Variants in RAB1A observed in about 807,000 individuals in gnomAD.
RAB1A encodes ras-related protein Rab-1A.
Under a neutral mutation model 26.0 loss-of-function variants are expected in RAB1A, and 2 were observed. The ratio of observed to expected loss-of-function variants is 0.08; its 90% confidence interval spans 0.03 to 0.24. RAB1A has a LOEUF of 0.24. Ranked by LOEUF, RAB1A falls within the 10% of genes least tolerant of loss-of-function variation. The probability of loss-of-function intolerance (pLI) is 1.00; values close to 1 mark genes in which losing one functional copy is unlikely to be tolerated. For missense variants in RAB1A, 100 were observed against 247.0 expected, an observed-to-expected ratio of 0.40 and a Z score of 3.99; for synonymous variants, 84 against 84.9, an observed-to-expected ratio of 0.99 and a Z score of 0.06.
At chr2:65,110,438 C>A (rs868628919) in intron 1 of RAB1A, among the ~76,000 whole-genome samples, 1,190 of 109,414 alleles carry the variant, frequency 0.011, no homozygotes, top group Middle Eastern at 0.02. Flanking sequence ...GAGACCGTCT[C>A]AAAAAAAAAA....
chr2:65,094,297 C>T (rs1329173584), intron 3 of RAB1A, among the ~76,000 whole-genome samples: 1 of 152,118 alleles, frequency 6.6e-6, no homozygotes, highest in Non-Finnish European at 1.5e-5. Context: ...TAAAAACAAG[C>T]AAATCGGCCA....
chr2:65,125,864 CTTTTTTTTTTT>C (rs55930968), intron 1 of RAB1A, among the ~76,000 whole-genome samples: 3 of 74,728 alleles, frequency 4.0e-5, no homozygotes, highest in Admixed American at 3.1e-4. Context: ...TTTCAATTGC[CTTTTTTTTTTT>C]TTTTTTTTTT....
At chr2:65,098,089 A>ATACAT in intron 2 of RAB1A, 23 bp from the exon 3 acceptor site, 2 of 1,369,042 alleles carry the variant, frequency 1.5e-6, no homozygotes, top group Non-Finnish European at 2.0e-6. Flanking sequence ...ATAATTAACA[A>ATACAT]TTAAATGTAT....
At chr2:65,104,886 A>C in intron 1 of RAB1A, 80 bp from the exon 2 acceptor site, 1 of 1,122,986 alleles carries the variant, frequency 8.9e-7, no homozygotes, top group Non-Finnish European at 1.4e-6. Context: ...AAACACAGCT[A>C]CAAATAACAA....
chr2:65,112,037 C>T (rs920092543), intron 1 of RAB1A, among the ~76,000 whole-genome samples: 3 of 151,656 alleles, frequency 2.0e-5, no homozygotes, highest in Non-Finnish European at 4.4e-5. Context: ...AAGCTGATAT[C>T]GCACCACTGC....
intron 1 of RAB1A, among the ~76,000 whole-genome samples, chr2:65,129,677 C>G (rs1670191667): frequency 6.6e-6 from 1 of 152,060 alleles, no homozygotes; most frequent in South Asian, 2.1e-4. Flanking sequence ...GGTCCAGGCC[C>G]GGGCGGCTCA....
At position 65,103,784 on chromosome 2, in the gene RAB1A, T is replaced by A. The variant is rs545534938; in HGVS notation, c.96+950A>T. Among the ~76,000 whole-genome samples the A allele has an allele frequency of 2.2e-4, 34 of 151,192 alleles. 1 individual carries two copies. In the East Asian group the frequency reaches 5.0e-3, roughly 22 times the overall value. On this transcript the variant is annotated intron_variant, in intron 2 of 5. Transcript: ENST00000409784. ...AACATGCTAATTTGTTTTTTTATTT[T>A]TTTTCTTTTTTTTTTGAGACAGTCT...
chr2:65,100,239 A>G (rs1414155864), intron 2 of RAB1A, among the ~76,000 whole-genome samples: 1 of 151,268 alleles, frequency 6.6e-6, no homozygotes, highest in Non-Finnish European at 1.5e-5. Flanking sequence ...ATCTCTATTA[A>G]AAATACAAAA....
chr2:65,119,389 C>A (rs897824039), intron 1 of RAB1A, among the ~76,000 whole-genome samples: 2 of 151,768 alleles, frequency 1.3e-5, no homozygotes, highest in Non-Finnish European at 2.9e-5. Context: ...TGCTTGTAAT[C>A]CCAGCTACTC....
intron 1 of RAB1A, among the ~76,000 whole-genome samples, chr2:65,121,235 GAAAAAAA>G (rs34280362): frequency 6.0e-4 from 55 of 91,396 alleles, no homozygotes; most frequent in African/African-American, 2.2e-3. Context: ...ATCATGTCTC[GAAAAAAA>G]AAAAAAAAAA....
At chr2:65,115,952 T>G (rs1394682317) in intron 1 of RAB1A, among the ~76,000 whole-genome samples, 1 of 152,046 alleles carries the variant, frequency 6.6e-6, no homozygotes, top group African/African-American at 2.4e-5. Context: ...GGCCAAGAGT[T>G]CAAAACCAGC....
At position 65,098,074 on chromosome 2, in the gene RAB1A, G is replaced by A. The variant is rs774001174; in HGVS notation, c.97-8C>T. ...TTCTGTATATGTATCATCCTGAAGG[G>A]GGAAATAATTAACAATTAAATGTAT... On this transcript the variant is annotated splice_polypyrimidine_tract_variant and splice_region_variant and intron_variant, in intron 2 of 5. Transcript: ENST00000409784. The A allele has an allele frequency of 2.1e-6, 3 of 1,458,112 alleles. No homozygotes were observed. Among genetic ancestry groups the A allele is most frequent in the Non-Finnish European group, 2.8e-6 (3 of 1,077,122 alleles). The allele number at this position is 1,458,112 out of a possible 1,614,324, so 90.3% of individuals were successfully genotyped here.
chr2:65,112,588 T>C (rs545191139), intron 1 of RAB1A, among the ~76,000 whole-genome samples: 1 of 152,200 alleles, frequency 6.6e-6, no homozygotes, highest in African/African-American at 2.4e-5. Flanking sequence ...GTTGAACTGC[T>C]TGAATTTTAT....
At chr2:65,108,931 T>C (rs1365888862) in intron 1 of RAB1A, among the ~76,000 whole-genome samples, 1 of 152,194 alleles carries the variant, frequency 6.6e-6, no homozygotes, top group Non-Finnish European at 1.5e-5. Context: ...GACTACTGGT[T>C]CTCTCGCAAA....
chr2:65,094,310 C>T (rs1669235312), intron 3 of RAB1A, among the ~76,000 whole-genome samples: 3 of 152,156 alleles, frequency 2.0e-5, no homozygotes, highest in African/African-American at 7.2e-5. Flanking sequence ...ATCGGCCAGG[C>T]GCCGTGGCTC....
chr2:65,122,114 C>T (rs1426420551), intron 1 of RAB1A, among the ~76,000 whole-genome samples: 1 of 140,304 alleles, frequency 7.1e-6, no homozygotes, highest in African/African-American at 2.7e-5. Context: ...CAAGATTGTG[C>T]CACTGCACTC....
At chr2:65,089,857 C>A (rs1410889009) in intron 4 of RAB1A, among the ~76,000 whole-genome samples, 3 of 152,228 alleles carry the variant, frequency 2.0e-5, no homozygotes, top group East Asian at 1.9e-4. Context: ...CACGGGCCCC[C>A]ACGCCTGGCT....
chr2:65,107,325 A>G (rs1276447768), intron 1 of RAB1A, among the ~76,000 whole-genome samples: 1 of 152,010 alleles, frequency 6.6e-6, no homozygotes, highest in Non-Finnish European at 1.5e-5. Context: ...TCAGCCTCCC[A>G]AAGTGCTGGG....
chr2:65,107,586 C>A (rs552251104), intron 1 of RAB1A, among the ~76,000 whole-genome samples: 1 of 152,170 alleles, frequency 6.6e-6, no homozygotes, highest in Admixed American at 6.5e-5. Context: ...TCCAGGTGTT[C>A]AAGTGATTCT....
Sources: allele counts gnomAD v4.1 joint callset (sites outside exome capture counted in the v4.1 genomes callset), GRCh38; gene constraint gnomAD v4.1.1; transcripts MANE v1.5; gene names NCBI Gene and HGNC (gene_info 2026-07-23, HGNC 2026-07-21).